Variants in KPNA6 observed in about 807,000 individuals in gnomAD.
KPNA6 encodes the protein importin subunit alpha-7.
Under a neutral mutation model 72.0 loss-of-function variants are expected in KPNA6, and 9 were observed. The ratio of observed to expected loss-of-function variants is 0.13; its 90% CI spans 0.08 to 0.22. The LOEUF (loss-of-function observed/expected upper bound fraction) is 0.22. Among genes scored for constraint, KPNA6 ranks in the 10% least tolerant of loss-of-function variants. KPNA6 has a pLI of 1.00. For missense variants in KPNA6, 374 were observed against 655.7 expected (o/e 0.57, Z 4.69); for synonymous variants, 219 against 242.1 (o/e 0.90, Z 0.89).
At position 32,117,493 on chromosome 1, in the gene KPNA6, A is replaced by ATTT. The variant is rs1557455976; in HGVS notation, c.4+9359_4+9360insTTT. 5.7e-3 allele frequency among the ~76,000 whole-genome samples: 811 copies of ATTT among 143,470 alleles called. 12 individuals are homozygous for ATTT. The highest frequency in any genetic ancestry group is 0.02 in the African/African-American group (775 of 39,636). 94.1% of individuals were successfully genotyped at this position (143,470 alleles called of 152,430 possible). On this transcript the variant is annotated intron_variant, in intron 1 of 13. Transcript: ENST00000373625. Reference sequence around the variant, plus strand: ...GGCCCAATTTGTTTTTTTTTTTTTAAAAAAAACACACATTGGCTGGGTATG... The same window carrying ATTT: ...GGCCCAATTTGTTTTTTTTTTTTTAATTTAAAAAACACACATTGGCTGGGTATG...
chr1:32,157,254 T>C lies in KPNA6; in HGVS notation c.232-92T>C, dbSNP rs74064044. On this transcript the variant is annotated intron_variant, in intron 3 of 13. Coordinates refer to ENST00000373625, the MANE Select transcript of KPNA6 (RefSeq NM_012316.5). ...TATTATGCCATCCTCTTGCCCTCAG[T>C]TTTTTAGAAAACAGGATGCCAAGCA... The C allele has an allele frequency of 2.1e-3, 2,026 of 963,302 alleles. 36 individuals carry two copies. The African/African-American group carries it at 0.028, about 13-fold the overall frequency. The allele number at this position is 963,302 out of a possible 1,614,324, so 59.7% of individuals were successfully genotyped here.
chr1:32,111,835 A>T (rs1641248076), intron 1 of KPNA6, among the ~76,000 whole-genome samples: 1 of 152,206 alleles, frequency 6.6e-6, no homozygotes. Context: ...TTTCCCTGCC[A>T]CTAGGTGCCC....
chr1:32,150,103 G>T (rs919491411), intron 1 of KPNA6, among the ~76,000 whole-genome samples: 1 of 147,794 alleles, frequency 6.8e-6, no homozygotes, highest in Admixed American at 6.8e-5. Context: ...GGGTTAATGG[G>T]ATTAGATCTG....
At position 32,108,099 on chromosome 1, in the gene KPNA6, T is replaced by C. The variant is rs758854818; in HGVS notation, c.-32T>C. On this transcript the variant is annotated 5_prime_UTR_variant, in exon 1 of 14. Coordinates refer to ENST00000373625, the MANE Select transcript of KPNA6 (RefSeq NM_012316.5). ...TGCCGCTGAAGCTGCCGCCGTTGCC[T>C]CCGCCGCCAAGAGTGAGCGAGCGGA... 47 of 1,613,730 alleles carry C rather than the reference T, an allele frequency of 2.9e-5. No homozygotes were observed. Among genetic ancestry groups the C allele is most frequent in the Non-Finnish European group, 3.7e-5 (44 of 1,179,844 alleles).
Position 32,167,244 on chromosome 1 carries a change from G to A in KPNA6, c.1192G>A (p.Ala398Thr). 6.2e-7 allele frequency: 1 copy of A among 1,614,072 alleles called. No individual in the cohort carries two copies. Residue 398 changes from alanine to threonine, a missense_variant, in exon 12 of 14, where the codon GCA becomes ACA. Ala to Thr is a moderately conservative substitution (Grantham distance 58). Transcript: ENST00000373625. ...AGCAGAGTTTCGTACAAGGAAAGAG[G>A]CAGCCTGGGCCATCACCAATGCCAC... ...QKAEFRTRKE[A>T]AWAITNATSG...
intron 1 of KPNA6, among the ~76,000 whole-genome samples, chr1:32,145,310 T>C (rs188904475): frequency 6.6e-6 from 1 of 150,518 alleles, no homozygotes; most frequent in Admixed American, 6.7e-5. Context: ...TGAATCATTG[T>C]GGTTTTGATT....
At chr1:32,114,019 A>G (rs988035460) in intron 1 of KPNA6, among the ~76,000 whole-genome samples, 5 of 152,104 alleles carry the variant, frequency 3.3e-5, no homozygotes, top group Non-Finnish European at 7.3e-5. Flanking sequence ...ACTCTTATTT[A>G]TGATATTTTG....
chr1:32,162,632 C>G, intron 9 of KPNA6, 108 bp downstream of exon 9: 1 of 1,156,600 alleles, frequency 8.6e-7, no homozygotes, highest in Non-Finnish European at 1.3e-6. Flanking sequence ...GTCAGGAGTT[C>G]GAGACCAGCC....
Position 32,136,181 on chromosome 1 carries a change from C to CTTTTTTTTTTTT in KPNA6, c.5-18406_5-18395dup, listed in dbSNP as rs759447035. Among the ~76,000 whole-genome samples the CTTTTTTTTTTTT allele has an allele frequency of 8.0e-4, 112 of 139,290 alleles. 2 individuals are homozygous for CTTTTTTTTTTTT. Among genetic ancestry groups the CTTTTTTTTTTTT allele is most frequent in the African/African-American group, 1.8e-3 (67 of 37,114 alleles). The allele number at this position is 139,290 out of a possible 152,430, so 91.4% of individuals were successfully genotyped here. On this transcript the variant is annotated intron_variant, in intron 1 of 13. Coordinates refer to ENST00000373625, the MANE Select transcript of KPNA6 (RefSeq NM_012316.5). ...TAAAATCCACATTTCTAGCTTCTCT[C>CTTTTTTTTTTTT]TTTTTTTTTTTTGAGATGGAGTTTC...
chr1:32,124,739 T>C (rs1641501999), intron 1 of KPNA6, among the ~76,000 whole-genome samples: 1 of 151,148 alleles, frequency 6.6e-6, no homozygotes, highest in African/African-American at 2.4e-5. Context: ...ACTCCTGAGC[T>C]CAGGCAATCC....
chr1:32,111,556 A>G (rs1410812383), intron 1 of KPNA6, among the ~76,000 whole-genome samples: 1 of 152,156 alleles, frequency 6.6e-6, no homozygotes, highest in Non-Finnish European at 1.5e-5. Context: ...TCTAACATCT[A>G]ATCTAAGGTA....
chr1:32,168,313 C>T (rs1266317471), intron 12 of KPNA6, among the ~76,000 whole-genome samples: 1 of 152,202 alleles, frequency 6.6e-6, no homozygotes, highest in African/African-American at 2.4e-5. Flanking sequence ...CTTTAGCCTC[C>T]TGAGTAGCTG....
At chr1:32,113,850 C>T (rs1403946083) in intron 1 of KPNA6, among the ~76,000 whole-genome samples, 5 of 152,292 alleles carry the variant, frequency 3.3e-5, no homozygotes, top group South Asian at 4.1e-4. Flanking sequence ...CAAGTTTGAT[C>T]GTGAGATTGC....
rs1247702136 is a variant in KPNA6, at chr1:32,174,367, C to T, written c.*3473C>T. On this transcript the variant is annotated 3_prime_UTR_variant, in exon 14 of 14. Coordinates refer to ENST00000373625, the MANE Select transcript of KPNA6 (RefSeq NM_012316.5). ...GGAAAAGAAGGTTCTCAGGCACAGACTTTCTATTTTTCTCAAGCCAAACCA... is the reference window on the plus strand; with the variant it reads ...GGAAAAGAAGGTTCTCAGGCACAGATTTTCTATTTTTCTCAAGCCAAACCA... 6.6e-6 allele frequency: 1 copy of T among 152,236 alleles called. No homozygotes were observed. Among genetic ancestry groups the T allele is most frequent in the Non-Finnish European group, 1.5e-5 (1 of 68,058 alleles). 9.4% of individuals were successfully genotyped at this position (152,236 alleles called of 1,614,324 possible). A position where few individuals can be genotyped will look rare whatever the true frequency, so the allele number is the denominator to read the frequency against.
At chr1:32,164,097 A>G (rs1344665124) in intron 10 of KPNA6, among the ~76,000 whole-genome samples, 1 of 151,926 alleles carries the variant, frequency 6.6e-6, no homozygotes, top group African/African-American at 2.4e-5. Flanking sequence ...CCACCATTCT[A>G]TTTTCTGTAT....
Position 32,159,308 on chromosome 1 carries a change from A to G in KPNA6, c.427-92A>G, listed in dbSNP as rs1378067004. On this transcript the variant is annotated intron_variant, in intron 5 of 13. Transcript: ENST00000373625. The stretch of plus-strand genomic sequence containing the variant: ...GGTTTTGTTTTGGTTTTTTAAATTC[A>G]TGGGCAGGAGGCTTACTGTTCTGAG... 3 of 1,375,184 alleles carry G rather than the reference A, an allele frequency of 2.2e-6. No homozygotes were observed. In the African/African-American group the frequency reaches 4.4e-5, roughly 20 times the overall value. The allele number at this position is 1,375,184 out of a possible 1,614,324, so 85.2% of individuals were successfully genotyped here. A position where few individuals can be genotyped will look rare whatever the true frequency, so the allele number is the denominator to read the frequency against.
At chr1:32,164,433 A>T (rs1414894735) in intron 10 of KPNA6, among the ~76,000 whole-genome samples, 1 of 152,034 alleles carries the variant, frequency 6.6e-6, no homozygotes, top group Admixed American at 6.6e-5. Context: ...TTTATGCCTA[A>T]TTTTTTTGAG....
At chr1:32,166,061 A>T (rs1365617877) in intron 10 of KPNA6, 44 bp from the exon 11 acceptor site, 2 of 1,553,934 alleles carry the variant, frequency 1.3e-6, no homozygotes, top group Non-Finnish European at 1.7e-6. Flanking sequence ...AAAATTAAAA[A>T]CAGTTTAATT....
At position 32,175,956 on chromosome 1, in the gene KPNA6, A is replaced by G. The variant is rs1222165805; in HGVS notation, c.*5062A>G. On this transcript the variant is annotated 3_prime_UTR_variant, in exon 14 of 14. Transcript: ENST00000373625. Reference sequence around the variant, plus strand: ...CTACAAAAATAAAAAAATAAAAAAAATAAGCCAGGTGTGGTGGTGGGCACC... The same window carrying G: ...CTACAAAAATAAAAAAATAAAAAAAGTAAGCCAGGTGTGGTGGTGGGCACC... The G allele has an allele frequency of 6.6e-6, 1 of 151,778 alleles. No individual in the cohort carries two copies. Among genetic ancestry groups the G allele is most frequent in the Non-Finnish European group, 1.5e-5 (1 of 67,982 alleles). 9.4% of individuals were successfully genotyped at this position (151,778 alleles called of 1,614,324 possible).
Sources: allele counts gnomAD v4.1 joint callset (sites outside exome capture counted in the v4.1 genomes callset), GRCh38; gene constraint gnomAD v4.1.1; transcripts MANE v1.5; gene names NCBI Gene and HGNC (gene_info 2026-07-23, HGNC 2026-07-21).